C11orf65: variants seen among roughly 807,000 people sequenced by gnomAD.
C11orf65 encodes the protein chromosome 11 open reading frame 65.
In C11orf65, 38 loss-of-function variants were observed where a neutral mutation model predicts 35.3. The ratio of observed to expected loss-of-function variants is 1.08; its 90% CI spans 0.83 to 1.41. C11orf65 has a LOEUF of 1.41. Ranked by LOEUF, C11orf65 falls within the 40% of genes most tolerant of loss-of-function variation. C11orf65 has a pLI of 0.00. For missense variants in C11orf65, 370 were observed against 367.1 expected (o/e 1.01, Z -0.06); for synonymous variants, 105 against 114.4 (o/e 0.92, Z 0.53).
At chr11:108,459,627 G>A (rs1348179370) in intron 2 of C11orf65, among the ~76,000 whole-genome samples, 1 of 151,896 alleles carries the variant, frequency 6.6e-6, no homozygotes, top group African/African-American at 2.4e-5. Flanking sequence ...ATTTTTATCT[G>A]CTCATGAACC....
chr11:108,456,293 T>A (rs564435683), intron 2 of C11orf65, among the ~76,000 whole-genome samples: 2 of 152,262 alleles, frequency 1.3e-5, no homozygotes, highest in Admixed American at 1.3e-4. Context: ...TTCAAAGGTA[T>A]TTGATCAGTT....
chr11:108,367,385 G>T (rs1318813434), intron 2 of C11orf65: 1 of 194,130 alleles, frequency 5.2e-6, no homozygotes, highest in African/African-American at 2.3e-5. Context: ...GCATTTCTCT[G>T]TGTTCTGTTG....
At chr11:108,341,008 T>C (rs143914351) in intron 2 of C11orf65, among the ~76,000 whole-genome samples, 110 of 152,198 alleles carry the variant, frequency 7.2e-4, no homozygotes, top group African/African-American at 2.6e-3. Flanking sequence ...CTGTATTCCA[T>C]TTTCCTGTTC....
chr11:108,322,751 G>T (rs941360374), intron 6 of C11orf65, among the ~76,000 whole-genome samples: 1 of 152,044 alleles, frequency 6.6e-6, no homozygotes, highest in African/African-American at 2.4e-5. Context: ...GCTTAAAAGT[G>T]CTTTTCTCTT....
At chr11:108,398,897 A>G (rs1170932984) in intron 6 of C11orf65, among the ~76,000 whole-genome samples, 1 of 152,216 alleles carries the variant, frequency 6.6e-6, no homozygotes, top group East Asian at 1.9e-4. Context: ...ATATTTGTCT[A>G]TCACTGTGAG....
intron 6 of C11orf65, among the ~76,000 whole-genome samples, chr11:108,401,136 T>C (rs550679688): frequency 2.0e-5 from 3 of 151,424 alleles, no homozygotes; most frequent in African/African-American, 4.8e-5. Context: ...GAAAGAAATA[T>C]GCTGCTCCCC....
chr11:108,468,733 A>G (rs769445795), upstream of C11orf65, among the ~76,000 whole-genome samples: 1 of 152,204 alleles, frequency 6.6e-6, no homozygotes, highest in Non-Finnish European at 1.5e-5. Flanking sequence ...GTAGTTATGA[A>G]CAATAAACTG....
At position 108,440,741 on chromosome 11, in the gene C11orf65, T is replaced by C. The variant is rs562024025; in HGVS notation, c.82-8903A>G. Among the ~76,000 whole-genome samples, 18 of 152,326 alleles carry C rather than the reference T, an allele frequency of 1.2e-4. 1 individual carries two copies. The South Asian group carries it at 3.7e-3, about 32-fold the overall frequency. The stretch of plus-strand genomic sequence containing the variant: ...GACTTGGACACTGCAATGCTTTTTA[T>C]GACCTAGACTAAGAGGTTCCAGAAT... On this transcript the variant is annotated intron_variant, in intron 2 of 8. Transcript: ENST00000393084.
chr11:108,442,167 T>A (rs2093164616), intron 2 of C11orf65, among the ~76,000 whole-genome samples: 1 of 152,034 alleles, frequency 6.6e-6, no homozygotes, highest in African/African-American at 2.4e-5. Context: ...GCAAGAGAAC[T>A]AGGTGATGCA....
chr11:108,461,826 G>T (rs1194002617), intron 1 of C11orf65, among the ~76,000 whole-genome samples: 1 of 151,690 alleles, frequency 6.6e-6, no homozygotes, highest in Non-Finnish European at 1.5e-5. Context: ...TTGTAGAGAT[G>T]GGGTCTTGCT....
At chr11:108,363,115 T>C (rs114190440) in intron 2 of C11orf65, among the ~76,000 whole-genome samples, 2,094 of 152,310 alleles carry the variant, frequency 0.014, 56 homozygotes, top group African/African-American at 0.047. Context: ...AGAATAATTT[T>C]CCCAGTGATC....
intron 2 of C11orf65, among the ~76,000 whole-genome samples, chr11:108,360,412 T>C (rs1399412192): frequency 1.0e-4 from 15 of 143,414 alleles, no homozygotes; most frequent in Admixed American, 2.1e-4. Flanking sequence ...TTCCAATCAA[T>C]AGAAAAAGAG....
chr11:108,455,834 A>AC (rs1451877761), intron 2 of C11orf65, among the ~76,000 whole-genome samples: 2,723 of 139,412 alleles, frequency 0.02, 80 homozygotes, highest in Non-Finnish European at 0.03. Flanking sequence ...AAAAAAAAAA[A>AC]AAAAAACATG....
chr11:108,330,531 G>A, downstream of C11orf65: 1 of 1,081,946 alleles, frequency 9.2e-7, no homozygotes, highest in Non-Finnish European at 1.4e-6. Context: ...ACTTGGTCCA[G>A]TGCTCTACAC....
chr11:108,376,661 A>C (rs1418549346), intron 2 of C11orf65, among the ~76,000 whole-genome samples: 1 of 152,156 alleles, frequency 6.6e-6, no homozygotes, highest in African/African-American at 2.4e-5. Flanking sequence ...GAGACACAAA[A>C]AACCGTTCAA....
intron 2 of C11orf65, among the ~76,000 whole-genome samples, chr11:108,451,098 A>G (rs1479336407): frequency 6.6e-6 from 1 of 152,008 alleles, no homozygotes; most frequent in African/African-American, 2.4e-5. Context: ...AAACTGGCAC[A>G]AGACAGGGAT....
intron 6 of C11orf65, chr11:108,319,904 T>C (rs1329940541): frequency 7.6e-7 from 1 of 1,322,430 alleles, no homozygotes; most frequent in African/African-American, 1.4e-5. Flanking sequence ...TACATGTATA[T>C]CTTAGGGTTC....
upstream of C11orf65, chr11:108,467,531 TA>T (rs1565740106): frequency 6.6e-6 from 1 of 152,312 alleles, no homozygotes; most frequent in African/African-American, 2.4e-5. Flanking sequence ...GGAAATGACG[TA>T]ACTCAATCCG....
chr11:108,465,742 T>C (rs557341376), intron 1 of C11orf65, among the ~76,000 whole-genome samples: 2 of 151,824 alleles, frequency 1.3e-5, no homozygotes, highest in Admixed American at 6.6e-5. Flanking sequence ...CCCAGCACTT[T>C]GGGAGGCCAA....
Sources: allele counts gnomAD v4.1 joint callset (sites outside exome capture counted in the v4.1 genomes callset), GRCh38; gene constraint gnomAD v4.1.1; transcripts MANE v1.5; gene names NCBI Gene and HGNC (gene_info 2026-07-23, HGNC 2026-07-21).